The following NLGN1 variants were observed in gnomAD, a reference collection of about 807,000 sequenced individuals.
NLGN1 encodes neuroligin-1.
Under a neutral mutation model 65.5 loss-of-function variants are expected in NLGN1, and 12 were observed. The observed-to-expected ratio is 0.18, with a 90% confidence interval of 0.12 to 0.30. The LOEUF (loss-of-function observed/expected upper bound fraction) is 0.30, where lower values mean the gene tolerates loss of function less well. NLGN1 is among the 10% of genes least tolerant of loss of function. The pLI is 1.00. For missense variants in NLGN1, 750 were observed against 1,007.1 expected (o/e 0.74, Z 3.46); for synonymous variants, 350 against 359.5 (o/e 0.97, Z 0.30).
chr3:174,255,637 C>CTATTTATTTATTTATT (rs140772917), intron 4 of NLGN1, among the ~76,000 whole-genome samples: 13 of 141,880 alleles, frequency 9.2e-5, no homozygotes, highest in South Asian at 6.7e-4. Context: ...TTCTTTTCTT[C>CTATTTATTTATTTATT]TATTTATTTA....
At chr3:174,033,925 A>G (rs1410536584) in intron 4 of NLGN1, among the ~76,000 whole-genome samples, 2 of 152,184 alleles carry the variant, frequency 1.3e-5, no homozygotes, top group Non-Finnish European at 2.9e-5. Context: ...AAAATTAGTG[A>G]CAGACAGCAA....
chr3:173,926,129 T>A (rs1012918451), intron 4 of NLGN1, among the ~76,000 whole-genome samples: 11 of 152,010 alleles, frequency 7.2e-5, no homozygotes, highest in Admixed American at 1.3e-4. Context: ...AGATTTTTTT[T>A]AAAATACTTT....
chr3:173,641,289 C>T (rs1363109784), intron 3 of NLGN1, among the ~76,000 whole-genome samples: 1 of 152,078 alleles, frequency 6.6e-6, no homozygotes, highest in Non-Finnish European at 1.5e-5. Context: ...CTTTTGATCC[C>T]ATTAATATCT....
intron 4 of NLGN1, among the ~76,000 whole-genome samples, chr3:173,974,504 G>C (rs186892391): frequency 6.6e-6 from 1 of 151,970 alleles, no homozygotes; most frequent in Non-Finnish European, 1.5e-5. Context: ...CACAAATCCT[G>C]ACCTTTACTA....
At chr3:174,273,997 G>C (rs1750008403) in intron 4 of NLGN1, among the ~76,000 whole-genome samples, 1 of 151,578 alleles carries the variant, frequency 6.6e-6, no homozygotes, top group Non-Finnish European at 1.5e-5. Flanking sequence ...TTTATAAAGA[G>C]ATATATTTCA....
intron 4 of NLGN1, among the ~76,000 whole-genome samples, chr3:174,148,634 C>A (rs11919911): frequency 0.15 from 22,123 of 152,044 alleles, 3,253 homozygotes; most frequent in African/African-American, 0.38. Flanking sequence ...ACATCATATA[C>A]ACTTTTGCAT....
chr3:173,833,157 A>G (rs1166470961), intron 4 of NLGN1, among the ~76,000 whole-genome samples: 1 of 152,230 alleles, frequency 6.6e-6, no homozygotes. Flanking sequence ...TAAAATTTTC[A>G]TAGAGATTGG....
chr3:173,651,431 G>C (rs1759160285), intron 3 of NLGN1, among the ~76,000 whole-genome samples: 1 of 151,966 alleles, frequency 6.6e-6, no homozygotes, highest in Admixed American at 6.6e-5. Flanking sequence ...ACATAAGAGA[G>C]CAGATATTTT....
In NLGN1 at chr3:173,635,635, A is replaced by C. The variant is rs918683917; in HGVS notation, c.493+30544A>C. Among the ~76,000 whole-genome samples the C allele has an allele frequency of 2.0e-4, 31 of 152,268 alleles. No individual in the cohort carries two copies. The East Asian group carries it at 5.8e-3, about 28-fold the overall frequency. On this transcript the variant is annotated intron_variant, in intron 3 of 6. Coordinates refer to ENST00000457714, the Ensembl canonical transcript of NLGN1. ...TGATCACCCGGCCAGGAACTAACAA[A>C]AATCTGAATTCTTTCTTTGTTTGGG... is the stretch of plus-strand genomic sequence containing the variant.
intron 3 of NLGN1, among the ~76,000 whole-genome samples, chr3:173,707,609 T>G (rs1192861484): frequency 6.6e-6 from 1 of 152,178 alleles, no homozygotes; most frequent in Non-Finnish European, 1.5e-5. Flanking sequence ...GATATGAATC[T>G]TAAGTAATCG....
At chr3:173,709,408 C>A (rs1768565293) in intron 3 of NLGN1, among the ~76,000 whole-genome samples, 1 of 152,164 alleles carries the variant, frequency 6.6e-6, no homozygotes, top group Admixed American at 6.5e-5. Context: ...CAAAACGATC[C>A]TGTGTTCTAG....
Position 173,781,048 on chromosome 3 carries a change from G to A in NLGN1, c.494-26632G>A, listed in dbSNP as rs7619929. On this transcript the variant is annotated intron_variant, in intron 3 of 6. Coordinates refer to ENST00000457714, the Ensembl canonical transcript of NLGN1. ...AGTCCCAGCTACTCGGGAGGCTGAGGCAGGAGAATGGCGTGAACCCAGGAG... is the reference window on the plus strand; with the variant it reads ...AGTCCCAGCTACTCGGGAGGCTGAGACAGGAGAATGGCGTGAACCCAGGAG... Among the ~76,000 whole-genome samples, 646 of 150,178 alleles carry A rather than the reference G, an allele frequency of 4.3e-3. 4 individuals are homozygous for A. Among genetic ancestry groups the A allele is most frequent in the African/African-American group, 0.015 (621 of 40,886 alleles).
chr3:174,120,146 G>A (rs1717440012), intron 4 of NLGN1, among the ~76,000 whole-genome samples: 2 of 152,222 alleles, frequency 1.3e-5, no homozygotes, highest in East Asian at 1.9e-4. Context: ...ATGAGATGAT[G>A]TGAAGCAATT....
chr3:173,873,988 A>G (rs1731663053), intron 4 of NLGN1, among the ~76,000 whole-genome samples: 1 of 152,184 alleles, frequency 6.6e-6, no homozygotes, highest in African/African-American at 2.4e-5. Flanking sequence ...CACACAGACC[A>G]AGGGGCAGCC....
intron 2 of NLGN1, among the ~76,000 whole-genome samples, chr3:173,473,724 G>A (rs1725709479): frequency 6.6e-6 from 1 of 152,090 alleles, no homozygotes; most frequent in South Asian, 2.1e-4. Context: ...AGTAATTTCT[G>A]GTGTATTTTA....
At chr3:173,867,270 T>C (rs1730356487) in intron 4 of NLGN1, among the ~76,000 whole-genome samples, 1 of 152,188 alleles carries the variant, frequency 6.6e-6, no homozygotes, top group Admixed American at 6.5e-5. Flanking sequence ...GTGTTCCCTG[T>C]ATTGATACAG....
At chr3:173,548,805 A>T (rs1740349977) in intron 2 of NLGN1, among the ~76,000 whole-genome samples, 1 of 151,928 alleles carries the variant, frequency 6.6e-6, no homozygotes, top group Non-Finnish European at 1.5e-5. Flanking sequence ...ATATGAATAT[A>T]ATTTGAAGTG....
intron 3 of NLGN1, among the ~76,000 whole-genome samples, chr3:173,775,630 C>T (rs549267727): frequency 6.6e-5 from 10 of 152,086 alleles, no homozygotes; most frequent in East Asian, 5.8e-4. Context: ...TTCCATTTTG[C>T]GATTATCATT....
chr3:174,108,100 C>T (rs1456176044), intron 4 of NLGN1, among the ~76,000 whole-genome samples: 1 of 151,914 alleles, frequency 6.6e-6, no homozygotes, highest in Non-Finnish European at 1.5e-5. Context: ...GTCTTTTGAT[C>T]CTTTTAACTG....
Sources: allele counts gnomAD v4.1 joint callset (sites outside exome capture counted in the v4.1 genomes callset), GRCh38; gene constraint gnomAD v4.1.1; transcripts MANE v1.5; gene names NCBI Gene and HGNC (gene_info 2026-07-23, HGNC 2026-07-21).